CDH8: variants seen among roughly 807,000 people sequenced by gnomAD.
The protein encoded by CDH8 is cadherin-8.
CDH8 carries 17 observed loss-of-function variants against 68.1 expected under a neutral mutation model. The ratio of observed to expected loss-of-function variants is 0.25; its 90% CI spans 0.17 to 0.37. The LOEUF is 0.37. Among genes scored for constraint, CDH8 ranks in the 10% least tolerant of loss-of-function variants. The pLI is 1.00. For synonymous variants in CDH8, 372 were observed against 365.1 expected (o/e 1.02, Z -0.21); for missense variants, 763 against 999.3 (o/e 0.76, Z 3.19).
At position 61,960,224 on chromosome 16, in the gene CDH8, T is replaced by TAC. The variant is rs1555524897; in HGVS notation, c.253-58753_253-58752dup. 3.0e-4 allele frequency among the ~76,000 whole-genome samples: 22 copies of TAC among 74,246 alleles called. 6 individuals are homozygous for TAC. Among genetic ancestry groups the TAC allele is most frequent in the South Asian group, 1.9e-3 (5 of 2,648 alleles). 48.7% of individuals were successfully genotyped at this position (74,246 alleles called of 152,430 possible). A position where few individuals can be genotyped will look rare whatever the true frequency, so the allele number is the denominator to read the frequency against. ...ATACATATATACATGTGTGTGTGTA[T>TAC]ACACACATATATACATGTGTGTGTG... On this transcript the variant is annotated intron_variant, in intron 2 of 11. Coordinates refer to ENST00000577390, the MANE Select transcript of CDH8 (RefSeq NM_001796.5).
At chr16:61,961,912 A>T (rs927711691) in intron 2 of CDH8, among the ~76,000 whole-genome samples, 1 of 152,200 alleles carries the variant, frequency 6.6e-6, no homozygotes, top group Non-Finnish European at 1.5e-5. Context: ...TTTACTTACA[A>T]CTTTGACTCC....
chr16:61,707,251 T>A (rs1354944604), intron 10 of CDH8, among the ~76,000 whole-genome samples: 2 of 152,310 alleles, frequency 1.3e-5, no homozygotes, highest in East Asian at 3.9e-4. Flanking sequence ...AAGGAAACTA[T>A]TTATTATCAC....
intron 2 of CDH8, among the ~76,000 whole-genome samples, chr16:61,941,210 T>C (rs1203724651): frequency 3.9e-5 from 6 of 152,228 alleles, no homozygotes; most frequent in Non-Finnish European, 2.9e-5. Context: ...ACAGTTTCAG[T>C]TGTATGGTGA....
chr16:61,857,367 A>C, intron 3 of CDH8, 129 bp from the exon 4 acceptor site: 1 of 803,944 alleles, frequency 1.2e-6, no homozygotes, highest in Non-Finnish European at 1.9e-6. Context: ...CTTTTTAAAA[A>C]GTTGAAGATA....
At chr16:61,780,001 C>T (rs1961005371) in intron 8 of CDH8, among the ~76,000 whole-genome samples, 1 of 152,214 alleles carries the variant, frequency 6.6e-6, no homozygotes, top group Non-Finnish European at 1.5e-5. Flanking sequence ...TGTACCTCCA[C>T]TCTCATCCTT....
intron 2 of CDH8, among the ~76,000 whole-genome samples, chr16:62,015,012 A>G (rs1184480379): frequency 6.6e-6 from 1 of 151,684 alleles, no homozygotes; most frequent in East Asian, 1.9e-4. Flanking sequence ...ATACCCCCCC[A>G]CCACAAACAC....
intron 8 of CDH8, among the ~76,000 whole-genome samples, chr16:61,777,800 A>G (rs1219569133): frequency 2.6e-5 from 4 of 152,140 alleles, no homozygotes; most frequent in Non-Finnish European, 5.9e-5. Context: ...TTGTGCCTGC[A>G]TCACTTATCT....
chr16:61,780,959 A>C (rs546456496), intron 8 of CDH8, among the ~76,000 whole-genome samples: 1 of 152,352 alleles, frequency 6.6e-6, no homozygotes, highest in South Asian at 2.1e-4. Flanking sequence ...TCTAAGAAAG[A>C]AATCTGCAAA....
intron 2 of CDH8, among the ~76,000 whole-genome samples, chr16:61,995,476 C>G (rs2150592502): frequency 6.6e-6 from 1 of 152,260 alleles, no homozygotes; most frequent in Middle Eastern, 3.4e-3. Flanking sequence ...CTCCCAGGTT[C>G]AAGCGATTCT....
Position 61,652,569 on chromosome 16 carries a change from T to C in CDH8, c.*1039A>G, listed in dbSNP as rs1963343945. On this transcript the variant is annotated 3_prime_UTR_variant, in exon 12 of 12. Coordinates refer to ENST00000577390, the MANE Select transcript of CDH8 (RefSeq NM_001796.5). Reference sequence around the variant, plus strand: ...ACTCTAAAGAGACTATTAGCTCTCCTTTCGATAATATTGCCTGCCATACTC... The same window carrying C: ...ACTCTAAAGAGACTATTAGCTCTCCCTTCGATAATATTGCCTGCCATACTC... The C allele has an allele frequency of 9.4e-7, 1 of 1,063,114 alleles. No individual in the cohort carries two copies. Among genetic ancestry groups the C allele is most frequent in the African/African-American group, 1.7e-5 (1 of 60,416 alleles). 65.9% of individuals were successfully genotyped at this position (1,063,114 alleles called of 1,614,324 possible).
At chr16:61,900,224 T>C (rs1963944523) in intron 3 of CDH8, among the ~76,000 whole-genome samples, 1 of 152,178 alleles carries the variant, frequency 6.6e-6, no homozygotes, top group South Asian at 2.1e-4. Context: ...AAATTCTGGC[T>C]TCCAATTTAT....
At chr16:61,954,347 ATAATGT>A (rs1475104951) in intron 2 of CDH8, among the ~76,000 whole-genome samples, 1 of 152,190 alleles carries the variant, frequency 6.6e-6, no homozygotes, top group Non-Finnish European at 1.5e-5. Context: ...AGAGCCAATG[ATAATGT>A]TAATAGTGTG....
At chr16:61,761,548 T>C (rs1341708670) in intron 8 of CDH8, among the ~76,000 whole-genome samples, 2 of 152,152 alleles carry the variant, frequency 1.3e-5, no homozygotes, top group Non-Finnish European at 2.9e-5. Flanking sequence ...AAACCCTGTC[T>C]GAATATTAGG....
intron 7 of CDH8, among the ~76,000 whole-genome samples, chr16:61,813,252 T>C (rs775783939): frequency 1.3e-5 from 2 of 152,182 alleles, no homozygotes; most frequent in Admixed American, 6.5e-5. Flanking sequence ...ATAGGCCCAG[T>C]TGACGAGTTA....
chr16:61,654,048 T>G lies in CDH8; in HGVS notation c.1960A>C (p.Ile654Leu). ...TCTCGAACGTCTTCATCATCTTTGA[T>G]AATTAATGGTTCATTTTTATGCCGC... The part of the protein sequence containing the change: ...LRRHKNEPLI[I>L]KDDEDVRENI... Residue 654 changes from isoleucine to leucine, a missense_variant, in exon 12 of 12, where the codon ATC becomes CTC. This residue lies in a region of CDH8 where 397 missense variants were observed against 436.2 expected (regional missense o/e 0.91). Coordinates refer to ENST00000577390, the MANE Select transcript of CDH8 (RefSeq NM_001796.5). The G allele has an allele frequency of 6.2e-7, 1 of 1,614,174 alleles. No individual in the cohort carries two copies. The highest frequency in any genetic ancestry group is 8.5e-7 in the Non-Finnish European group (1 of 1,180,026).
chr16:61,711,309 G>A (rs1158488381), intron 10 of CDH8, among the ~76,000 whole-genome samples: 1 of 149,918 alleles, frequency 6.7e-6, no homozygotes, highest in Non-Finnish European at 1.5e-5. Context: ...CTTAGAAAAT[G>A]CCAAATACTG....
intron 10 of CDH8, among the ~76,000 whole-genome samples, chr16:61,713,206 T>C (rs1964663481): frequency 6.6e-6 from 1 of 151,614 alleles, no homozygotes; most frequent in Non-Finnish European, 1.5e-5. Flanking sequence ...TCACATATAA[T>C]AAATAGTATA....
intron 2 of CDH8, among the ~76,000 whole-genome samples, chr16:62,000,733 T>C (rs1965880677): frequency 6.6e-6 from 1 of 152,208 alleles, no homozygotes; most frequent in Non-Finnish European, 1.5e-5. Flanking sequence ...TTTTCTCATT[T>C]CACTGAGCTG....
At chr16:61,655,207 T>C (rs906178338) in intron 11 of CDH8, among the ~76,000 whole-genome samples, 2 of 152,140 alleles carry the variant, frequency 1.3e-5, no homozygotes, top group Admixed American at 1.3e-4. Flanking sequence ...CCTTCTCCAC[T>C]GCCACCACCA....
Sources: gnomAD v4.1 joint callset for allele counts (sites outside exome capture counted in the v4.1 genomes callset) on GRCh38, gnomAD v4.1.1 for gene constraint, gnomAD v4.1.1 regional missense constraint, MANE v1.5 for transcripts, NCBI Gene and HGNC (gene_info 2026-07-23, HGNC 2026-07-21) for gene names.